Variants in NEK7 observed in about 807,000 individuals in gnomAD.
NEK7 encodes NIMA related kinase 7, also known as serine/threonine-protein kinase Nek7.
A neutral mutation model predicts 44.6 loss-of-function variants in NEK7; 18 were observed. The observed-to-expected ratio is 0.40, with a 90% CI of 0.28 to 0.60. The LOEUF is 0.60. Ranked by LOEUF, NEK7 falls within the 20% of genes least tolerant of loss-of-function variation. The pLI is 0.38. For missense variants in NEK7, 256 were observed against 366.5 expected (o/e 0.70, Z 2.46); for synonymous variants, 130 against 121.1 (o/e 1.07, Z -0.48).
At chr1:198,259,722 T>C (rs1474284853) in intron 3 of NEK7, among the ~76,000 whole-genome samples, 1 of 152,150 alleles carries the variant, frequency 6.6e-6, no homozygotes, top group Non-Finnish European at 1.5e-5. Context: ...TAATAATCCC[T>C]TTGGGGGAAT....
chr1:198,240,682 C>T (rs1666661723), intron 2 of NEK7, among the ~76,000 whole-genome samples: 1 of 147,666 alleles, frequency 6.8e-6, no homozygotes, highest in South Asian at 2.3e-4. Context: ...TATTCTTAAA[C>T]CAATAATTTT....
intron 1 of NEK7, among the ~76,000 whole-genome samples, chr1:198,163,366 C>G (rs372719107): frequency 2.0e-5 from 3 of 151,746 alleles, no homozygotes; most frequent in Non-Finnish European, 2.9e-5. Context: ...CTTGGTGGCA[C>G]GCACCTGTAA....
chr1:198,179,324 A>G (rs1664691415), intron 1 of NEK7, among the ~76,000 whole-genome samples: 1 of 152,056 alleles, frequency 6.6e-6, no homozygotes. Flanking sequence ...AACATTTTTT[A>G]AAAATGTAGA....
intron 1 of NEK7, among the ~76,000 whole-genome samples, chr1:198,188,946 C>A (rs982105648): frequency 3.0e-4 from 46 of 152,088 alleles, no homozygotes; most frequent in Non-Finnish European, 1.3e-4. Flanking sequence ...AGGCATTGAA[C>A]CTCATCTGTT....
At chr1:198,172,404 G>T (rs1316765600) in intron 1 of NEK7, among the ~76,000 whole-genome samples, 1 of 152,292 alleles carries the variant, frequency 6.6e-6, no homozygotes, top group Non-Finnish European at 1.5e-5. Context: ...AAGATAAAGA[G>T]CTCTGCTCTC....
intron 1 of NEK7, among the ~76,000 whole-genome samples, chr1:198,183,316 A>G (rs1309503626): frequency 6.6e-6 from 1 of 152,184 alleles, no homozygotes; most frequent in Non-Finnish European, 1.5e-5. Context: ...AACCATTCTG[A>G]GTACCTGCCT....
chr1:198,296,326 A>T (rs143906587), intron 8 of NEK7, among the ~76,000 whole-genome samples: 1 of 152,218 alleles, frequency 6.6e-6, no homozygotes, highest in African/African-American at 2.4e-5. Flanking sequence ...ACAGGATGCG[A>T]ACATTTTAAA....
At position 198,253,129 on chromosome 1, in the gene NEK7, T is replaced by TCC; in HGVS notation, c.147_148insCC (p.Arg50ProfsTer12). Reference sequence around the variant, plus strand: ...GTCGCGGACAATTTAGTGAAGTTTATAGAGCAGCCTGTCTCTTGGATGGAG... The same window carrying TCC: ...GTCGCGGACAATTTAGTGAAGTTTATCCAGAGCAGCCTGTCTCTTGGATGGAG... On this transcript the variant is annotated frameshift_variant, in exon 3 of 10. Coordinates refer to ENST00000367385, the MANE Select transcript of NEK7 (RefSeq NM_133494.3). LOFTEE classifies it high-confidence loss of function. 6.2e-7 allele frequency: 1 copy of TCC among 1,612,288 alleles called. No individual in the cohort carries two copies. The highest frequency in any genetic ancestry group is 8.5e-7 in the Non-Finnish European group (1 of 1,178,616).
chr1:198,226,171 CTATT>C (rs1451032367), intron 1 of NEK7, among the ~76,000 whole-genome samples: 1 of 151,820 alleles, frequency 6.6e-6, no homozygotes, highest in African/African-American at 2.4e-5. Flanking sequence ...ACGAGATACA[CTATT>C]TGGTGTTCTG....
rs539318241 is a variant in NEK7, at chr1:198,258,179, G to A, written c.199-4396G>A. On this transcript the variant is annotated intron_variant, in intron 3 of 9. Transcript: ENST00000367385. The stretch of plus-strand genomic sequence containing the variant: ...GTAGAGCCGGGCACGGTGACTCAAC[G>A]CCTGTAATCCCAGCATTTTGGGAGG... Among the ~76,000 whole-genome samples, 64 of 152,288 alleles carry A rather than the reference G, an allele frequency of 4.2e-4. 1 individual carries two copies. In the South Asian group the frequency reaches 0.013, roughly 31 times the overall value.
At chr1:198,294,785 T>C (rs1558098991) in intron 8 of NEK7, among the ~76,000 whole-genome samples, 7 of 152,210 alleles carry the variant, frequency 4.6e-5, no homozygotes, top group Admixed American at 4.6e-4. Context: ...TAAAGTATTA[T>C]CATGCTAATG....
intron 5 of NEK7, among the ~76,000 whole-genome samples, chr1:198,267,062 T>C (rs1653676952): frequency 6.6e-6 from 1 of 152,088 alleles, no homozygotes. Context: ...TCTTGTTAGA[T>C]AGGAGGGATT....
At chr1:198,258,504 T>A (rs1238554912) in intron 3 of NEK7, among the ~76,000 whole-genome samples, 1 of 152,206 alleles carries the variant, frequency 6.6e-6, no homozygotes, top group Non-Finnish European at 1.5e-5. Flanking sequence ...TTTCTGCATT[T>A]TAAATGGTCT....
intron 2 of NEK7, among the ~76,000 whole-genome samples, chr1:198,233,745 C>CTTTTT (rs71133919): frequency 1.6e-5 from 2 of 121,926 alleles, no homozygotes; most frequent in Non-Finnish European, 3.4e-5. Context: ...CTATGGGATC[C>CTTTTT]TTTTTTTTTT....
chr1:198,170,459 TGAGTA>T (rs1664404289), intron 1 of NEK7, among the ~76,000 whole-genome samples: 1 of 152,220 alleles, frequency 6.6e-6, no homozygotes, highest in Non-Finnish European at 1.5e-5. Context: ...AGCTGTTGAC[TGAGTA>T]TACTTAAATT....
At chr1:198,283,244 A>C (rs1051860370) in intron 7 of NEK7, among the ~76,000 whole-genome samples, 1 of 152,162 alleles carries the variant, frequency 6.6e-6, no homozygotes, top group Non-Finnish European at 1.5e-5. Context: ...TATGGGTTGA[A>C]GACAGCAGCC....
chr1:198,317,249 T>C (rs1655396630), intron 9 of NEK7, among the ~76,000 whole-genome samples: 2 of 152,122 alleles, frequency 1.3e-5, no homozygotes, highest in Non-Finnish European at 2.9e-5. Context: ...AATCAATAAG[T>C]GGGGAAGGAA....
rs142697088 is a variant in NEK7, at chr1:198,232,599, G to C, written c.19G>C (p.Gly7Arg). 14 of 1,606,076 alleles carry C rather than the reference G, an allele frequency of 8.7e-6. No individual in the cohort carries two copies. The highest frequency in any genetic ancestry group is 3.3e-4 in the Middle Eastern group (2 of 6,034). Reference protein sequence around the residue: MDEQSQGMQGPPVPQFQ... With the variant: MDEQSQRMQGPPVPQFQ... ...TCAGACAATGGATGAGCAATCACAA[G>C]GAATGCAAGGGCCACCTGTTCCTCA... is the stretch of plus-strand genomic sequence containing the variant. Residue 7 changes from glycine (G) to arginine (R), a missense_variant, in exon 2 of 10, where the codon GGA (glycine) becomes CGA (arginine). Physicochemically the swap from Gly to Arg is moderately radical, Grantham distance 125. This residue lies in a region of NEK7 where 96 missense variants were observed against 94.9 expected (regional missense o/e 1.01). Transcript: ENST00000367385.
rs182680367 is a variant in NEK7 at position 198,257,760 on chromosome 1, A to G, written c.198+4580A>G. On this transcript the variant is annotated intron_variant, in intron 3 of 9. Coordinates refer to ENST00000367385, the MANE Select transcript of NEK7 (RefSeq NM_133494.3). ...TTATCTTTAAAATTAAAGCTTTTTAATTTTAATTACTTGTACTTGCAATCT... is the reference window on the plus strand; with the variant it reads ...TTATCTTTAAAATTAAAGCTTTTTAGTTTTAATTACTTGTACTTGCAATCT... Among the ~76,000 whole-genome samples, 3 of 152,256 alleles carry G rather than the reference A, an allele frequency of 2.0e-5. No individual in the cohort carries two copies. The East Asian group carries it at 5.8e-4, about 29-fold the overall frequency.
Sources: allele counts gnomAD v4.1 joint callset (sites outside exome capture counted in the v4.1 genomes callset), GRCh38; gene constraint gnomAD v4.1.1; regional missense constraint gnomAD v4.1.1; transcripts MANE v1.5; gene names NCBI Gene and HGNC (gene_info 2026-07-23, HGNC 2026-07-21).